Variants in VAV3 observed in about 807,000 individuals in gnomAD.
The protein encoded by VAV3 is vav guanine nucleotide exchange factor 3.
A neutral mutation model predicts 131.2 loss-of-function variants in VAV3; 94 were observed. The ratio of observed to expected loss-of-function variants is 0.72; its 90% CI spans 0.61 to 0.85. The LOEUF (loss-of-function observed/expected upper bound fraction) is 0.85, where lower values mean the gene tolerates loss of function less well. VAV3 is among the 40% of genes least tolerant of loss of function. The pLI is 0.00. For missense variants in VAV3, 939 were observed against 1,002.7 expected, an observed-to-expected ratio of 0.94 and a Z score of 0.86; for synonymous variants, 349 against 342.0, an observed-to-expected ratio of 1.02 and a Z score of -0.22.
At chr1:107,647,687 CTAGCCAA>C (rs1420929214) in intron 19 of VAV3, among the ~76,000 whole-genome samples, 2 of 152,030 alleles carry the variant, frequency 1.3e-5, no homozygotes, top group Non-Finnish European at 2.9e-5. Context: ...CATCCAAACT[CTAGCCAA>C]GTTTGGGAAT....
intron 1 of VAV3, among the ~76,000 whole-genome samples, chr1:107,960,481 A>G (rs751193144): frequency 1.3e-5 from 2 of 151,904 alleles, no homozygotes; most frequent in Non-Finnish European, 2.9e-5. Context: ...AAAAAAGAAA[A>G]GAAAAGAAAG....
In VAV3 at chr1:107,964,773, G is replaced by A. The variant is rs749053049; in HGVS notation, c.97C>T (p.Leu33Phe). 2 of 1,613,982 alleles carry A rather than the reference G, an allele frequency of 1.2e-6. No homozygotes were observed. The highest frequency in any genetic ancestry group is 2.2e-5 in the East Asian group (1 of 44,868). ...VTWDSAQVFD[L>F]AQTLRDGVLL... is the part of the protein sequence containing the mutation. ...ACTCCATCGCGGAGGGTCTGCGCAA[G>A]GTCGAACACCTGAGCCGAGTCCCAG... Residue 33 changes from leucine (L) to phenylalanine (F), a missense_variant, in exon 1 of 27, where the codon CTT becomes TTT. Transcript: ENST00000370056.
intron 2 of VAV3, among the ~76,000 whole-genome samples, chr1:107,864,384 G>A (rs1557888932): frequency 6.6e-6 from 1 of 152,222 alleles, no homozygotes; most frequent in Non-Finnish European, 1.5e-5. Context: ...CACTTTGGGA[G>A]GCTGAGGTGG....
chr1:107,951,308 C>T (rs1044953892), intron 1 of VAV3, among the ~76,000 whole-genome samples: 2 of 152,212 alleles, frequency 1.3e-5, no homozygotes, highest in Non-Finnish European at 2.9e-5. Context: ...AGTCTTATAA[C>T]ATCCAATAAC....
chr1:107,856,545 A>T (rs757725920), intron 2 of VAV3, among the ~76,000 whole-genome samples: 1 of 152,212 alleles, frequency 6.6e-6, no homozygotes, highest in African/African-American at 2.4e-5. Flanking sequence ...AAAAAAAATC[A>T]ACATTACTGT....
chr1:107,714,683 C>T (rs1052728538), intron 15 of VAV3, among the ~76,000 whole-genome samples: 1 of 151,746 alleles, frequency 6.6e-6, no homozygotes, highest in Non-Finnish European at 1.5e-5. Context: ...TTTGAAAGGG[C>T]AAGAAAACGA....
At chr1:107,753,266 C>T (rs1402807084) in intron 12 of VAV3, among the ~76,000 whole-genome samples, 1 of 151,540 alleles carries the variant, frequency 6.6e-6, no homozygotes, top group Non-Finnish European at 1.5e-5. Context: ...GTTAAGCTTA[C>T]AGAGATAGAA....
chr1:107,777,110 T>G (rs546615252), intron 4 of VAV3, 121 bp downstream of exon 4: 3 of 857,196 alleles, frequency 3.5e-6, no homozygotes, highest in South Asian at 1.5e-5. Flanking sequence ...CAGTTTAAGG[T>G]TAATCAGTAA....
chr1:107,723,679 T>C (rs79678344), intron 15 of VAV3, among the ~76,000 whole-genome samples: 4,257 of 152,182 alleles, frequency 0.028, 104 homozygotes, highest in African/African-American at 0.059. Flanking sequence ...GCTAGTACCA[T>C]TAAGTACTGC....
At chr1:107,649,533 A>G (rs1435212656) in intron 19 of VAV3, among the ~76,000 whole-genome samples, 1 of 152,042 alleles carries the variant, frequency 6.6e-6, no homozygotes, top group African/African-American at 2.4e-5. Flanking sequence ...ACTGAGGTCC[A>G]GAGTGATTAT....
At chr1:107,676,088 C>G (rs1045960974) in intron 19 of VAV3, among the ~76,000 whole-genome samples, 2 of 152,176 alleles carry the variant, frequency 1.3e-5, no homozygotes, top group African/African-American at 4.8e-5. Context: ...AAACTTGTTG[C>G]ACACAATAAT....
At chr1:107,845,574 A>C (rs569855022) in intron 2 of VAV3, among the ~76,000 whole-genome samples, 1 of 152,182 alleles carries the variant, frequency 6.6e-6, no homozygotes, top group Non-Finnish European at 1.5e-5. Flanking sequence ...GGAATTGCTA[A>C]CAAGAATAAC....
At chr1:107,582,235 G>C (rs1650106917) in intron 25 of VAV3, among the ~76,000 whole-genome samples, 1 of 152,130 alleles carries the variant, frequency 6.6e-6, no homozygotes, top group Non-Finnish European at 1.5e-5. Flanking sequence ...AACATGCTGA[G>C]AATTTAATGA....
chr1:107,815,508 T>C (rs1321800251), intron 2 of VAV3, among the ~76,000 whole-genome samples: 1 of 152,232 alleles, frequency 6.6e-6, no homozygotes, highest in Non-Finnish European at 1.5e-5. Context: ...TCTAAGGCCC[T>C]TGCAGAGATT....
chr1:107,919,051 T>C (rs1041264914), intron 1 of VAV3, among the ~76,000 whole-genome samples: 4 of 152,166 alleles, frequency 2.6e-5, no homozygotes, highest in Non-Finnish European at 5.9e-5. Context: ...GTATGTTTTA[T>C]TTACCATTCA....
intron 15 of VAV3, among the ~76,000 whole-genome samples, chr1:107,731,686 A>G (rs186958392): frequency 1.1e-3 from 164 of 152,282 alleles, no homozygotes; most frequent in African/African-American, 3.9e-3. Context: ...AAAACAAGCA[A>G]TTTCAGAGGC....
intron 17 of VAV3, among the ~76,000 whole-genome samples, chr1:107,703,298 T>G (rs1456967066): frequency 1.3e-5 from 2 of 152,170 alleles, no homozygotes; most frequent in Non-Finnish European, 2.9e-5. Context: ...ATTTTACAAC[T>G]CTGTAAACTG....
At chr1:107,838,717 C>T (rs75600679) in intron 2 of VAV3, among the ~76,000 whole-genome samples, 7,913 of 152,104 alleles carry the variant, frequency 0.052, 399 homozygotes, top group African/African-American at 0.13. Flanking sequence ...TGCCCAACAA[C>T]GGTAGACCAG....
intron 2 of VAV3, among the ~76,000 whole-genome samples, chr1:107,860,353 G>A (rs59969124): frequency 6.9e-6 from 1 of 144,258 alleles, no homozygotes; most frequent in Admixed American, 6.9e-5. Flanking sequence ...AGCGGTGATT[G>A]TAGTAGTTTT....
Sources: allele counts gnomAD v4.1 joint callset (sites outside exome capture counted in the v4.1 genomes callset), GRCh38; gene constraint gnomAD v4.1.1; transcripts MANE v1.5; gene names NCBI Gene and HGNC (gene_info 2026-07-23, HGNC 2026-07-21).